The following EFCAB11 variants were observed in gnomAD, a reference collection of about 807,000 sequenced individuals.
EFCAB11 encodes EF-hand calcium-binding domain-containing protein 11.
EFCAB11 carries 14 observed loss-of-function variants against 23.0 expected under a neutral mutation model. The ratio of observed to expected loss-of-function variants is 0.61; its 90% CI spans 0.40 to 0.95. The LOEUF (loss-of-function observed/expected upper bound fraction) is 0.95. Among genes scored for constraint, EFCAB11 ranks in the 40% least tolerant of loss-of-function variants. EFCAB11 has a pLI of 0.00. For missense variants in EFCAB11, 198 were observed against 195.8 expected (o/e 1.01, Z -0.07); for synonymous variants, 65 against 66.6 (o/e 0.98, Z 0.11).
intron 3 of EFCAB11, among the ~76,000 whole-genome samples, chr14:89,941,344 T>C (rs747447110): frequency 2.6e-5 from 4 of 152,140 alleles, no homozygotes; most frequent in Non-Finnish European, 5.9e-5. Context: ...CTTCAACTCA[T>C]TGATTCATAA....
rs147598028 is a variant in EFCAB11, at chr14:89,924,831, G to A, written c.410+6710C>T. On this transcript the variant is annotated intron_variant, in intron 5 of 5. Coordinates refer to ENST00000316738, the MANE Select transcript of EFCAB11 (RefSeq NM_145231.4). ...GTTTATGAGAAATAAATTAAACCAC[G>A]AAGAAAACAGAATTTTACTGTCACA... 4.1e-3 allele frequency among the ~76,000 whole-genome samples: 626 copies of A among 152,294 alleles called. 6 individuals are homozygous for A. Among genetic ancestry groups the A allele is most frequent in the South Asian group, 0.012 (59 of 4,830 alleles).
Position 89,950,096 on chromosome 14 carries a change from C to T in EFCAB11, c.217+1G>A. The T allele has an allele frequency of 6.5e-7, 1 of 1,550,024 alleles. No individual in the cohort carries two copies. Among genetic ancestry groups the T allele is most frequent in the South Asian group, 1.1e-5 (1 of 87,700 alleles). Reference sequence around the variant, plus strand: ...AAAATTAATATTAACTTTCATATTACCAGAAGTATTTGGATTTATTGAAGA... The same window carrying T: ...AAAATTAATATTAACTTTCATATTATCAGAAGTATTTGGATTTATTGAAGA... On this transcript the variant is annotated splice_donor_variant, in intron 3 of 5. Coordinates refer to ENST00000316738, the MANE Select transcript of EFCAB11 (RefSeq NM_145231.4). LOFTEE classifies it high-confidence loss of function.
chr14:89,948,156 G>A (rs899423040), intron 3 of EFCAB11, among the ~76,000 whole-genome samples: 3 of 151,994 alleles, frequency 2.0e-5, no homozygotes, highest in Non-Finnish European at 4.4e-5. Context: ...ATTTCCCTGT[G>A]ATAAACATAT....
chr14:89,934,211 C>T (rs139951405), intron 3 of EFCAB11, among the ~76,000 whole-genome samples: 12 of 152,132 alleles, frequency 7.9e-5, no homozygotes, highest in Admixed American at 2.6e-4. Flanking sequence ...GATAAAAGGA[C>T]GGAGGTGGGG....
chr14:89,944,015 A>T (rs765265513), intron 3 of EFCAB11, among the ~76,000 whole-genome samples: 6 of 152,242 alleles, frequency 3.9e-5, no homozygotes, highest in Non-Finnish European at 8.8e-5. Context: ...CAGAAGAAAG[A>T]AAGTCTATGA....
intron 5 of EFCAB11, among the ~76,000 whole-genome samples, chr14:89,922,797 CTA>C (rs1236887182): frequency 6.6e-6 from 1 of 152,012 alleles, no homozygotes; most frequent in African/African-American, 2.4e-5. Context: ...GTACAAATAA[CTA>C]TGAAAAAGCA....
intron 5 of EFCAB11, among the ~76,000 whole-genome samples, chr14:89,860,031 A>G (rs1887873051): frequency 6.6e-6 from 1 of 152,120 alleles, no homozygotes; most frequent in Non-Finnish European, 1.5e-5. Context: ...CTCTGGTTCT[A>G]ACGTGCTTTT....
At chr14:89,892,172 C>A in intron 5 of EFCAB11, 1 of 1,574,972 alleles carries the variant, frequency 6.3e-7, no homozygotes, top group Non-Finnish European at 8.6e-7. Flanking sequence ...GCTGGTTGGC[C>A]ACAAGAGTGA....
rs565497468 is a variant in EFCAB11, at chr14:89,876,484, T to C, written c.410+55057A>G. ...TGCACATGATTATATATGTAAGATG[T>C]GTTTTAAAAAAAGTAAAAAACAAAA... On this transcript the variant is annotated intron_variant, in intron 5 of 5. Transcript: ENST00000316738. 2.1e-3 allele frequency among the ~76,000 whole-genome samples: 318 copies of C among 152,278 alleles called. 1 individual carries two copies. Among genetic ancestry groups the C allele is most frequent in the African/African-American group, 7.3e-3 (302 of 41,558 alleles).
chr14:89,935,024 T>A (rs1890530754), intron 3 of EFCAB11, among the ~76,000 whole-genome samples: 1 of 152,220 alleles, frequency 6.6e-6, no homozygotes, highest in Admixed American at 6.5e-5. Context: ...CCTGGAATAA[T>A]GCACTTTCTC....
chr14:89,902,640 G>A (rs1889376283), intron 5 of EFCAB11, among the ~76,000 whole-genome samples: 1 of 152,100 alleles, frequency 6.6e-6, no homozygotes, highest in Admixed American at 6.6e-5. Flanking sequence ...GGAGGGCAGA[G>A]GAAAATAGAA....
rs565354114 is a variant in EFCAB11, at chr14:89,859,975, C to T, written c.411-62651G>A. Among the ~76,000 whole-genome samples, 5 of 152,272 alleles carry T rather than the reference C, an allele frequency of 3.3e-5. No homozygotes were observed. In the East Asian group the frequency reaches 7.7e-4, roughly 23 times the overall value. ...CTGAGGAACTCTAGATGTTGATCTC[C>T]TCACAGTCAAGCCCCAAAGGAGGGA... On this transcript the variant is annotated intron_variant, in intron 5 of 5. Transcript: ENST00000316738.
chr14:89,916,887 T>C (rs935902196), intron 5 of EFCAB11, among the ~76,000 whole-genome samples: 4 of 152,252 alleles, frequency 2.6e-5, no homozygotes, highest in Non-Finnish European at 4.4e-5. Flanking sequence ...TCCTTTAACA[T>C]GACTCATGTC....
chr14:89,833,997 C>T (rs181346367), intron 5 of EFCAB11, among the ~76,000 whole-genome samples: 11 of 152,128 alleles, frequency 7.2e-5, no homozygotes, highest in Non-Finnish European at 1.6e-4. Flanking sequence ...GGTTTTTTCC[C>T]CTCAGTGGAC....
intron 5 of EFCAB11, among the ~76,000 whole-genome samples, chr14:89,887,632 G>A (rs901695097): frequency 9.9e-5 from 15 of 152,096 alleles, no homozygotes; most frequent in Non-Finnish European, 2.1e-4. Flanking sequence ...AATCCTTAAG[G>A]TATTTACTGA....
intron 5 of EFCAB11, among the ~76,000 whole-genome samples, chr14:89,903,252 TTG>T (rs1889395007): frequency 6.6e-6 from 1 of 152,244 alleles, no homozygotes; most frequent in African/African-American, 2.4e-5. Context: ...GTGAGATATT[TTG>T]TCTCAGATTT....
At chr14:89,934,117 A>C (rs1890493480) in intron 3 of EFCAB11, among the ~76,000 whole-genome samples, 2 of 152,130 alleles carry the variant, frequency 1.3e-5, no homozygotes, top group South Asian at 4.1e-4. Flanking sequence ...CACAGTAAAT[A>C]ATTTGGGTTT....
chr14:89,881,156 T>C (rs1438282052), intron 5 of EFCAB11, among the ~76,000 whole-genome samples: 1 of 151,978 alleles, frequency 6.6e-6, no homozygotes, highest in African/African-American at 2.4e-5. Context: ...TATATGGTTG[T>C]TATCATTGGT....
intron 5 of EFCAB11, among the ~76,000 whole-genome samples, chr14:89,899,883 C>T (rs1203602542): frequency 6.6e-6 from 1 of 152,246 alleles, no homozygotes; most frequent in Admixed American, 6.5e-5. Context: ...TGTGAACTGG[C>T]CCAACCACTT....
Sources: gnomAD v4.1 joint callset for allele counts (sites outside exome capture counted in the v4.1 genomes callset) on GRCh38, gnomAD v4.1.1 for gene constraint, MANE v1.5 for transcripts, NCBI Gene and HGNC (gene_info 2026-07-23, HGNC 2026-07-21) for gene names.